The following PCGF3 variants were observed in gnomAD, a reference collection of about 807,000 sequenced individuals.
PCGF3 encodes polycomb group RING finger protein 3.
A neutral mutation model predicts 33.1 loss-of-function variants in PCGF3; 7 were observed. The observed-to-expected ratio is 0.21, with a 90% CI of 0.12 to 0.40. PCGF3 has a LOEUF of 0.40. Ranked by LOEUF, PCGF3 falls within the 10% of genes least tolerant of loss-of-function variation. The pLI is 1.00. For missense variants in PCGF3, 211 were observed against 313.3 expected (o/e 0.67, Z 2.46); for synonymous variants, 153 against 121.3 (o/e 1.26, Z -1.72).
rs781268420 is a variant in PCGF3, at chr4:765,019, G to A, written c.636G>A (p.Lys212=). ...TATGCAACGAGGAGATCCTGGGCAA[G>A]GACCACACACTCAAGTTCGTGGTTG... The change falls in exon 10 of 11, where the codon AAG becomes AAA. Residue 212 remains lysine (K), a synonymous_variant. Transcript: ENST00000362003. The A allele has an allele frequency of 6.6e-5, 106 of 1,613,930 alleles. 1 individual carries two copies. The Admixed American group carries it at 1.7e-3, about 27-fold the overall frequency.
At chr4:753,951 C>T (rs1217713661) in intron 8 of PCGF3, among the ~76,000 whole-genome samples, 1 of 152,208 alleles carries the variant, frequency 6.6e-6, no homozygotes, top group Non-Finnish European at 1.5e-5. Flanking sequence ...ACCCTACATT[C>T]AGCTTCCCTT....
In PCGF3 at chr4:764,837, T is replaced by C. The variant is rs540122315; in HGVS notation, c.601-147T>C. ...AGGCTGTGAGGTAGGGATGGAGGAA[T>C]ACATGAACCAGCCCCCCCCACCCCA... On this transcript the variant is annotated intron_variant, in intron 9 of 10. Coordinates refer to ENST00000362003, the Ensembl canonical transcript of PCGF3. 3 of 615,660 alleles carry C rather than the reference T, an allele frequency of 4.9e-6. No homozygotes were observed. In the Admixed American group the frequency reaches 8.0e-5, roughly 16 times the overall value. 38.1% of individuals were successfully genotyped at this position (615,660 alleles called of 1,614,324 possible). A position where few individuals can be genotyped will look rare whatever the true frequency, so the allele number is the denominator to read the frequency against.
In PCGF3 at chr4:722,543, G is replaced by A. The variant is rs1271086950; in HGVS notation, c.-189-8087G>A. ...CCACACTCAGTCATCGCCCGTCCGC[G>A]CCGGGTCCACACTCAGTCATCGCCC... On this transcript the variant is annotated intron_variant, in intron 1 of 10. Coordinates refer to ENST00000362003, the Ensembl canonical transcript of PCGF3. 3.6e-4 allele frequency: 102 copies of A among 282,332 alleles called. No homozygotes were observed. The East Asian group carries it at 6.6e-3, about 18-fold the overall frequency. The allele number at this position is 282,332 out of a possible 1,614,324, so 17.5% of individuals were successfully genotyped here. A position where few individuals can be genotyped will look rare whatever the true frequency, so the allele number is the denominator to read the frequency against.
chr4:751,357 G>C (rs182808159), intron 8 of PCGF3, among the ~76,000 whole-genome samples: 2 of 152,102 alleles, frequency 1.3e-5, no homozygotes, highest in African/African-American at 4.8e-5. Flanking sequence ...TTGATGCGAC[G>C]TTATAGTTAT....
At chr4:764,736 G>A (rs4690310) in intron 9 of PCGF3, 99,915 of 404,198 alleles carry the variant, frequency 0.25, 14,104 homozygotes, top group Middle Eastern at 0.35. Context: ...TAACTGGCAC[G>A]GGCCTGCCCT....
chr4:748,324 C>A (rs750003583), intron 8 of PCGF3, among the ~76,000 whole-genome samples: 1 of 151,958 alleles, frequency 6.6e-6, no homozygotes, highest in African/African-American at 2.4e-5. Flanking sequence ...CTCAGCCTCC[C>A]GAGTAGCTGG....
chr4:736,069 G>T (rs1743809814), intron 5 of PCGF3, among the ~76,000 whole-genome samples: 1 of 151,912 alleles, frequency 6.6e-6, no homozygotes, highest in South Asian at 2.1e-4. Flanking sequence ...TTTTTCTTGA[G>T]ATGGAGTCTT....
At position 744,406 on chromosome 4, in the gene PCGF3, A is replaced by C. The variant is rs1022005184; in HGVS notation, c.374-194A>C. 8.5e-5 allele frequency among the ~76,000 whole-genome samples: 13 copies of C among 152,244 alleles called. 2 individuals carry two copies. Among genetic ancestry groups the C allele is most frequent in the Admixed American group, 6.5e-5 (1 of 15,308 alleles). On this transcript the variant is annotated intron_variant, in intron 7 of 10. Coordinates refer to ENST00000362003, the Ensembl canonical transcript of PCGF3. ...CCACGCCTGCACCCCACAGGCCCAC[A>C]CGCCCGTTCTGCATCCTGGGGAGAC... is the stretch of plus-strand genomic sequence containing the variant.
chr4:755,904 C>CTTTTTTTTTTT (rs570528684), intron 8 of PCGF3, among the ~76,000 whole-genome samples: 2 of 87,178 alleles, frequency 2.3e-5, no homozygotes, highest in African/African-American at 5.5e-5. Context: ...CAGAATTGTC[C>CTTTTTTTTTTT]TTTTTTTTTT....
chr4:762,564 C>T (rs918808964), intron 9 of PCGF3: 1 of 152,332 alleles, frequency 6.6e-6, no homozygotes, highest in Non-Finnish European at 1.5e-5. Context: ...TGTGTTCTCA[C>T]TTCTGATCTT....
chr4:711,789 C>T (rs1169617453), intron 1 of PCGF3, among the ~76,000 whole-genome samples: 10 of 151,806 alleles, frequency 6.6e-5, no homozygotes, highest in Admixed American at 2.0e-4. Flanking sequence ...ATTAGGCAGG[C>T]GTGTGTAATT....
chr4:752,881 C>T (rs963479004), intron 8 of PCGF3, among the ~76,000 whole-genome samples: 13 of 152,392 alleles, frequency 8.5e-5, no homozygotes, highest in Admixed American at 7.2e-4. Context: ...TTCAGAGCCT[C>T]GGGATTGCCA....
At chr4:730,443 C>T (rs1553844703) in intron 1 of PCGF3, among the ~76,000 whole-genome samples, 187 bp from the exon 2 acceptor site, 1 of 152,130 alleles carries the variant, frequency 6.6e-6, no homozygotes. Context: ...CAGAGACGCC[C>T]GACAGGCACC....
At chr4:760,193 C>T (rs1220916310) in intron 8 of PCGF3, among the ~76,000 whole-genome samples, 2 of 152,194 alleles carry the variant, frequency 1.3e-5, no homozygotes, top group African/African-American at 2.4e-5. Flanking sequence ...TCTTTTGCTT[C>T]CTGAATCTGA....
In PCGF3 at chr4:720,661, C is replaced by T. The variant is rs545546292; in HGVS notation, c.-189-9969C>T. On this transcript the variant is annotated intron_variant, in intron 1 of 10. Transcript: ENST00000362003. This position sits in a 1 kb window ranked among gnomAD's most constrained non-coding sequence, Gnocchi z 5.6. ...TGGACCCGGGGTGGACGGGCGGTGA[C>T]GTGCGTGTGGACCCGGGGTGGACGG... Among the ~76,000 whole-genome samples the T allele has an allele frequency of 4.0e-5, 6 of 148,332 alleles. No individual in the cohort carries two copies. Among genetic ancestry groups the T allele is most frequent in the African/African-American group, 1.0e-4 (4 of 39,896 alleles).
chr4:765,416 G>C (rs891792037), intron 10 of PCGF3, among the ~76,000 whole-genome samples: 7 of 140,528 alleles, frequency 5.0e-5, no homozygotes, highest in Non-Finnish European at 7.7e-5. Flanking sequence ...CTAGGCGACA[G>C]AGGGAGACTC....
chr4:766,642 T>C (rs1335471765), exon 11 of PCGF3: 2 of 152,386 alleles, frequency 1.3e-5, no homozygotes, highest in African/African-American at 2.4e-5. Context: ...TTAACCATTG[T>C]ATTTAATTTC....
chr4:706,243 T>C (rs7663343), intron 1 of PCGF3, among the ~76,000 whole-genome samples: 49,317 of 113,916 alleles, frequency 0.43, 9,444 homozygotes, highest in South Asian at 0.56. Flanking sequence ...GACTCCAGCC[T>C]AGGCAGGACG....
At chr4:762,942 G>C (rs995131144) in intron 9 of PCGF3, 2 of 152,258 alleles carry the variant, frequency 1.3e-5, no homozygotes, top group Non-Finnish European at 2.9e-5. Context: ...TGCTCGGTTT[G>C]GGGTGGGGGG....
Sources: allele counts gnomAD v4.1 joint callset (sites outside exome capture counted in the v4.1 genomes callset), GRCh38; gene constraint gnomAD v4.1.1; non-coding constraint Gnocchi (gnomAD v3.1); transcripts MANE v1.5; gene names NCBI Gene and HGNC (gene_info 2026-07-23, HGNC 2026-07-21).